Variants in ZNF667 observed in about 807,000 individuals in gnomAD.
The protein encoded by ZNF667 is zinc finger protein 667, also known as myocardial ischemic preconditioning upregulated 1 ortholog.
In ZNF667, 13 loss-of-function variants were observed where a neutral mutation model predicts 31.8. The ratio of observed to expected loss-of-function variants is 0.41; its 90% CI spans 0.27 to 0.65. The LOEUF is 0.65. ZNF667 is among the 30% of genes least tolerant of loss of function. The pLI is 0.32. For missense variants in ZNF667, 642 were observed against 725.6 expected (o/e 0.88, Z 1.32); for synonymous variants, 228 against 247.1 (o/e 0.92, Z 0.73).
Position 56,470,442 on chromosome 19 carries a change from CA to C in ZNF667, c.-60+1256del, listed in dbSNP as rs539260535. Reference sequence around the variant, plus strand: ...CACCATCTCCTTTAACCTTGAATGGCAAATCAACCACCCAGGGTCCTCATCT... The same window carrying C: ...CACCATCTCCTTTAACCTTGAATGGCAATCAACCACCCAGGGTCCTCATCT... On this transcript the variant is annotated intron_variant, in intron 3 of 6. Coordinates refer to ENST00000504904, the MANE Select transcript of ZNF667 (RefSeq NM_001321356.2). Among the ~76,000 whole-genome samples the C allele has an allele frequency of 1.6e-4, 25 of 152,268 alleles. No homozygotes were observed. The East Asian group carries it at 4.8e-3, about 29-fold the overall frequency.
chr19:56,460,594 G>GA lies in ZNF667; in HGVS notation c.160+94dup, dbSNP rs1358494928. The GA allele has an allele frequency of 1.0e-5, 14 of 1,391,896 alleles. No homozygotes were observed. The East Asian group carries it at 1.2e-4, about 12-fold the overall frequency. 86.2% of individuals were successfully genotyped at this position (1,391,896 alleles called of 1,614,324 possible). On this transcript the variant is annotated intron_variant, in intron 5 of 6. Transcript: ENST00000504904. ...ATCTCAATAAAGCTCTTTTAAAAAA[G>GA]AAACTGCAGTGGCTTCCATTTTCCT...
chr19:56,468,697 G>T (rs979440129), intron 3 of ZNF667: 6 of 152,236 alleles, frequency 3.9e-5, no homozygotes, highest in African/African-American at 7.2e-5. Flanking sequence ...TTTAGAAATT[G>T]TAAGATTTCA....
At chr19:56,466,822 T>C (rs532046154) in intron 3 of ZNF667, among the ~76,000 whole-genome samples, 38 of 152,330 alleles carry the variant, frequency 2.5e-4, no homozygotes, top group African/African-American at 7.9e-4. Flanking sequence ...TGAATGGTCA[T>C]TGATAGCACA....
rs2043103116 is a variant in ZNF667, at chr19:56,463,784, C to A, written c.-59-1355G>T. 2.0e-5 allele frequency among the ~76,000 whole-genome samples: 3 copies of A among 152,102 alleles called. No homozygotes were observed. In the East Asian group the frequency reaches 5.8e-4, roughly 29 times the overall value. ...CAAGCAATCAGCCCGCCTAGGCCTTCCAAAGTGCTGGGATTACAAACATGA... is the reference window on the plus strand; with the variant it reads ...CAAGCAATCAGCCCGCCTAGGCCTTACAAAGTGCTGGGATTACAAACATGA... On this transcript the variant is annotated intron_variant, in intron 3 of 6. Coordinates refer to ENST00000504904, the MANE Select transcript of ZNF667 (RefSeq NM_001321356.2).
chr19:56,450,500 G>A (rs2042798659), intron 6 of ZNF667, among the ~76,000 whole-genome samples: 1 of 152,152 alleles, frequency 6.6e-6, no homozygotes, highest in South Asian at 2.1e-4. Flanking sequence ...AGAAAAGGAT[G>A]CTAATGACGA....
In ZNF667 at chr19:56,458,142, C is replaced by G; in HGVS notation, c.253+13G>C. ...GTAGACTGAGACATATGCCTTGGTTCTCTGTCACTCACCAGGAGCCCGGCG... is the reference window on the plus strand; with the variant it reads ...GTAGACTGAGACATATGCCTTGGTTGTCTGTCACTCACCAGGAGCCCGGCG... On this transcript the variant is annotated intron_variant, in intron 6 of 6. Coordinates refer to ENST00000504904, the MANE Select transcript of ZNF667 (RefSeq NM_001321356.2). The G allele has an allele frequency of 6.2e-7, 1 of 1,613,026 alleles. No homozygotes were observed. Among genetic ancestry groups the G allele is most frequent in the Non-Finnish European group, 8.5e-7 (1 of 1,178,958 alleles).
intron 3 of ZNF667, chr19:56,467,787 T>C (rs184752834): frequency 6.6e-6 from 1 of 152,348 alleles, no homozygotes; most frequent in Admixed American, 6.5e-5. Flanking sequence ...AAGAAATGTG[T>C]AGAAATACAA....
At chr19:56,470,093 T>C (rs1272691265) in intron 3 of ZNF667, 2 of 451,350 alleles carry the variant, frequency 4.4e-6, no homozygotes, top group South Asian at 1.6e-5. Context: ...TTACTGAACC[T>C]TGCTGGGTCT....
chr19:56,477,831 G>A (rs149693239), upstream of ZNF667: 1,462 of 152,446 alleles, frequency 9.6e-3, 10 homozygotes, highest in Middle Eastern at 0.013. Flanking sequence ...GGCGGACACC[G>A]CCCACCCGCG....
chr19:56,455,422 C>A (rs2147748565), intron 6 of ZNF667, among the ~76,000 whole-genome samples: 2 of 152,218 alleles, frequency 1.3e-5, no homozygotes, highest in South Asian at 4.2e-4. Flanking sequence ...CATCAACAGT[C>A]ATGCAGTAGT....
chr19:56,441,213 C>G lies in ZNF667; in HGVS notation c.1782G>C (p.Arg594=). The G allele has an allele frequency of 6.2e-7, 1 of 1,613,998 alleles. No individual in the cohort carries two copies. Among genetic ancestry groups the G allele is most frequent in the Non-Finnish European group, 8.5e-7 (1 of 1,179,900 alleles). Residue 594 remains arginine (R), a synonymous_variant, in exon 7 of 7, where the codon CGG becomes CGC. Coordinates refer to ENST00000504904, the MANE Select transcript of ZNF667 (RefSeq NM_001321356.2). The surrounding 1 kb of genome is among the most constrained non-coding windows in gnomAD (Gnocchi z 4.2). Reference sequence around the variant, plus strand: ...TCTGATGTCGAATCAGGGATGAACTCCGACTATATGCCTTCCCACATTTAC... The same window carrying G: ...TCTGATGTCGAATCAGGGATGAACTGCGACTATATGCCTTCCCACATTTAC... The part of the protein sequence containing the change: ...ECSKCGKAYS[R]SSSLIRHQNT...
In ZNF667 at chr19:56,442,674, G is replaced by A. The variant is rs770790335; in HGVS notation, c.321C>T (p.Ile107=). Residue 107 remains isoleucine (I), a synonymous_variant, in exon 7 of 7, where the codon ATC becomes ATT. Coordinates refer to ENST00000504904, the MANE Select transcript of ZNF667 (RefSeq NM_001321356.2). ...GTTGTGCAGAAACTAGTTTCTGGCAGATGCTTTGCCCAGATTTGTTGCATT... is the reference window on the plus strand; with the variant it reads ...GTTGTGCAGAAACTAGTTTCTGGCAAATGCTTTGCCCAGATTTGTTGCATT... The part of the protein sequence containing the change: ...PNQCNKSGQS[I]CQKLVSAQQK... The A allele has an allele frequency of 1.2e-6, 2 of 1,612,500 alleles. No individual in the cohort carries two copies. The highest frequency in any genetic ancestry group is 2.2e-5 in the South Asian group (2 of 90,920).
At chr19:56,477,445 G>C (rs376114743), upstream of ZNF667, 3 of 152,112 alleles carry the variant, frequency 2.0e-5, no homozygotes, top group South Asian at 2.1e-4. Context: ...CGCGGCGTGC[G>C]CTCACCCGCC....
At position 56,471,878 on chromosome 19, in the gene ZNF667, A is replaced by G. The variant is rs2043299433; in HGVS notation, c.-239T>C. The G allele has an allele frequency of 6.6e-6, 1 of 152,004 alleles. No individual in the cohort carries two copies. Among genetic ancestry groups the G allele is most frequent in the East Asian group, 1.9e-4 (1 of 5,178 alleles). 9.4% of individuals were successfully genotyped at this position (152,004 alleles called of 1,614,324 possible). A position where few individuals can be genotyped will look rare whatever the true frequency, so the allele number is the denominator to read the frequency against. On this transcript the variant is annotated 5_prime_UTR_variant, in exon 3 of 7. It removes an upstream start codon present in the reference 5' UTR. Transcript: ENST00000504904. ...CTGGCTGTGTCCCCACTCAAATCTC[A>G]TCTTGAATTATAGCTCCCATAATTT...
chr19:56,460,882 G>A (rs2043031805), intron 4 of ZNF667, 67 bp from the exon 5 acceptor site: 2 of 1,467,468 alleles, frequency 1.4e-6, no homozygotes, highest in Middle Eastern at 1.8e-4. Context: ...AGGAAATGGT[G>A]CACACATCTT....
At chr19:56,471,501 T>C (rs796514482) in intron 3 of ZNF667, among the ~76,000 whole-genome samples, 198 bp downstream of exon 3, 1 of 152,206 alleles carries the variant, frequency 6.6e-6, no homozygotes, top group South Asian at 2.1e-4. Flanking sequence ...CTGGGAATTC[T>C]TAAACTTTGG....
chr19:56,455,483 C>G (rs1028517771), intron 6 of ZNF667, among the ~76,000 whole-genome samples: 5 of 152,134 alleles, frequency 3.3e-5, no homozygotes, highest in Non-Finnish European at 7.4e-5. Flanking sequence ...AACATGGATA[C>G]AACTGGAAAA....
intron 6 of ZNF667, among the ~76,000 whole-genome samples, chr19:56,452,270 G>A (rs1019460517): frequency 1.4e-4 from 21 of 151,972 alleles, no homozygotes; most frequent in African/African-American, 4.6e-4. Flanking sequence ...GGCTGGTTTC[G>A]AACTCCTGAC....
rs551334216 is a variant in ZNF667 at position 56,462,131 on chromosome 19, C to T, written c.33+207G>A. 1.3e-4 allele frequency among the ~76,000 whole-genome samples: 20 copies of T among 152,340 alleles called. No individual in the cohort carries two copies. The East Asian group carries it at 2.3e-3, about 18-fold the overall frequency. ...AAACAGGCCAGTGGCCATGTGCACA[C>T]TGGGAATGGAGAGAGGCTCGCTGAG... On this transcript the variant is annotated intron_variant, in intron 4 of 6. Transcript: ENST00000504904.
Sources: allele counts gnomAD v4.1 joint callset (sites outside exome capture counted in the v4.1 genomes callset), GRCh38; gene constraint gnomAD v4.1.1; non-coding constraint Gnocchi (gnomAD v3.1); transcripts MANE v1.5; gene names NCBI Gene and HGNC (gene_info 2026-07-23, HGNC 2026-07-21).